Variants in GABRA2 observed in about 807,000 individuals in gnomAD.
GABRA2 encodes gamma-aminobutyric acid type A receptor subunit alpha2.
GABRA2 carries 16 observed loss-of-function variants against 48.7 expected under a neutral mutation model. The ratio of observed to expected loss-of-function variants is 0.33; its 90% CI spans 0.22 to 0.50. The LOEUF is 0.50. Among genes scored for constraint, GABRA2 ranks in the 20% least tolerant of loss-of-function variants. The pLI, the probability that GABRA2 is intolerant of heterozygous loss-of-function variation, is 0.98. For missense variants in GABRA2, 275 were observed against 535.6 expected (o/e 0.51, Z 4.80); for synonymous variants, 185 against 184.5 (o/e 1.00, Z -0.02).
chr4:46,347,059 A>G (rs2109883560), intron 3 of GABRA2, among the ~76,000 whole-genome samples: 1 of 152,094 alleles, frequency 6.6e-6, no homozygotes, highest in East Asian at 1.9e-4. Context: ...AAGATCAATG[A>G]GAACTATAAA....
chr4:46,389,868 A>C lies in GABRA2; in HGVS notation c.-144T>G. On this transcript the variant is annotated 5_prime_UTR_variant, in exon 1 of 10. Coordinates refer to ENST00000381620, the MANE Select transcript of GABRA2 (RefSeq NM_000807.4). Reference sequence around the variant, plus strand: ...GAGAGAGAGAGAGAGAGAGACCGAGACTGCAGCAGCCAAGAGAGCGTGGAG... The same window carrying C: ...GAGAGAGAGAGAGAGAGAGACCGAGCCTGCAGCAGCCAAGAGAGCGTGGAG... 1 of 973,248 alleles carries C rather than the reference A, an allele frequency of 1.0e-6. No homozygotes were observed. The highest frequency in any genetic ancestry group is 1.2e-6 in the Non-Finnish European group (1 of 825,980). The allele number at this position is 973,248 out of a possible 1,614,324, so 60.3% of individuals were successfully genotyped here.
chr4:46,337,080 T>C (rs879621311), intron 3 of GABRA2, among the ~76,000 whole-genome samples: 1 of 152,068 alleles, frequency 6.6e-6, no homozygotes, highest in Non-Finnish European at 1.5e-5. Flanking sequence ...TTAAAATAGA[T>C]GGTTGAGGAT....
intron 8 of GABRA2, among the ~76,000 whole-genome samples, chr4:46,277,554 C>T (rs1311651988): frequency 1.3e-5 from 2 of 152,152 alleles, no homozygotes; most frequent in Non-Finnish European, 2.9e-5. Context: ...TATCTATCTC[C>T]GTCTAAGGCT....
intron 3 of GABRA2, among the ~76,000 whole-genome samples, chr4:46,370,372 A>T (rs1434761904): frequency 6.6e-6 from 1 of 152,080 alleles, no homozygotes; most frequent in African/African-American, 2.4e-5. Context: ...AAGAAAAAAA[A>T]CTGATAAAGA....
chr4:46,322,356 G>C (rs1045144224), intron 4 of GABRA2, among the ~76,000 whole-genome samples: 6 of 151,730 alleles, frequency 4.0e-5, no homozygotes, highest in Non-Finnish European at 8.8e-5. Flanking sequence ...AAAGCCCTGG[G>C]GGTGAAGTAA....
At chr4:46,280,199 G>A (rs1434056822) in intron 8 of GABRA2, among the ~76,000 whole-genome samples, 1 of 152,126 alleles carries the variant, frequency 6.6e-6, no homozygotes, top group Non-Finnish European at 1.5e-5. Flanking sequence ...CAGGGGAGCA[G>A]AAGAGTCAGA....
intron 8 of GABRA2, among the ~76,000 whole-genome samples, chr4:46,292,142 C>T (rs1026066139): frequency 1.3e-5 from 2 of 152,008 alleles, no homozygotes; most frequent in African/African-American, 4.8e-5. Flanking sequence ...ATGTGGAGAA[C>T]CAAGAAACAT....
At chr4:46,252,506 A>G (rs968424488) in intron 9 of GABRA2, among the ~76,000 whole-genome samples, 18 of 148,812 alleles carry the variant, frequency 1.2e-4, no homozygotes, top group African/African-American at 3.9e-4. Flanking sequence ...AGGCTAAAAA[A>G]GTTTTCTGAC....
At chr4:46,349,127 G>A (rs1734688233) in intron 3 of GABRA2, among the ~76,000 whole-genome samples, 1 of 151,880 alleles carries the variant, frequency 6.6e-6, no homozygotes, top group Non-Finnish European at 1.5e-5. Context: ...GAGACATAAT[G>A]CTGTTTCACA....
chr4:46,311,864 C>T (rs1158851960), intron 5 of GABRA2, among the ~76,000 whole-genome samples: 5 of 152,076 alleles, frequency 3.3e-5, no homozygotes, highest in African/African-American at 7.2e-5. Context: ...TTTGGGATGC[C>T]GAGGTGGGTG....
At chr4:46,342,037 G>A (rs1465039155) in intron 3 of GABRA2, among the ~76,000 whole-genome samples, 2 of 151,974 alleles carry the variant, frequency 1.3e-5, no homozygotes, top group East Asian at 3.9e-4. Flanking sequence ...GAGTTTTGGG[G>A]AAGATCCAAC....
At chr4:46,309,175 A>C (rs185952593) in intron 6 of GABRA2, among the ~76,000 whole-genome samples, 8 of 152,318 alleles carry the variant, frequency 5.3e-5, no homozygotes, top group Admixed American at 4.6e-4. Context: ...TTGCAAGAAC[A>C]AACAAGATTG....
At chr4:46,359,085 A>C (rs1383826498) in intron 3 of GABRA2, among the ~76,000 whole-genome samples, 1 of 152,202 alleles carries the variant, frequency 6.6e-6, no homozygotes, top group Non-Finnish European at 1.5e-5. Flanking sequence ...AGTATAAGGT[A>C]CATAAGGTCA....
At chr4:46,328,329 C>G (rs1367814836) in intron 4 of GABRA2, among the ~76,000 whole-genome samples, 1 of 150,862 alleles carries the variant, frequency 6.6e-6, no homozygotes, top group African/African-American at 2.4e-5. Flanking sequence ...TTTGCATATT[C>G]TTTTGGTTCA....
intron 2 of GABRA2, among the ~76,000 whole-genome samples, chr4:46,386,427 T>A (rs1007083784): frequency 6.6e-6 from 1 of 152,306 alleles, no homozygotes; most frequent in Non-Finnish European, 1.5e-5. Context: ...TATTTGAGAT[T>A]CTTGCCCCTT....
At position 46,293,435 on chromosome 4, in the gene GABRA2, C is replaced by CAG. The variant is rs1292540928; in HGVS notation, c.856+10024_856+10025insCT. Among the ~76,000 whole-genome samples the CAG allele has an allele frequency of 1.6e-4, 25 of 152,318 alleles. No homozygotes were observed. The East Asian group carries it at 4.6e-3, about 28-fold the overall frequency. ...ATCAGACATTTCAGGGACTACTGGA[C>CAG]ACTGGCTCTGAGTTGACGTTGATTC... On this transcript the variant is annotated intron_variant, in intron 8 of 9. Coordinates refer to ENST00000381620, the MANE Select transcript of GABRA2 (RefSeq NM_000807.4).
intron 8 of GABRA2, among the ~76,000 whole-genome samples, chr4:46,267,540 G>T (rs1718500966): frequency 6.6e-6 from 1 of 151,554 alleles, no homozygotes; most frequent in Non-Finnish European, 1.5e-5. Flanking sequence ...ATTCTTTTTT[G>T]AAAATTGGAC....
chr4:46,289,371 A>G (rs1723153988), intron 8 of GABRA2, among the ~76,000 whole-genome samples: 1 of 152,206 alleles, frequency 6.6e-6, no homozygotes. Context: ...CGCAGCTATA[A>G]AAAAGAATGA....
rs573279239 is a variant in GABRA2 at position 46,388,848 on chromosome 4, C to CTG, written c.-10-134_-10-133dup. 7.5e-5 allele frequency: 108 copies of CTG among 1,438,762 alleles called. No individual in the cohort carries two copies. In the African/African-American group the frequency reaches 1.3e-3, roughly 17 times the overall value. 89.1% of individuals were successfully genotyped at this position (1,438,762 alleles called of 1,614,324 possible). On this transcript the variant is annotated intron_variant, in intron 1 of 9. Coordinates refer to ENST00000381620, the MANE Select transcript of GABRA2 (RefSeq NM_000807.4). ...AGCTATGGAGATTACTTCCTGGACTCTGTGTAGGACTTGATGATTGAGAGA... is the reference window on the plus strand; with the variant it reads ...AGCTATGGAGATTACTTCCTGGACTCTGTGTGTAGGACTTGATGATTGAGAGA...
Sources: allele counts gnomAD v4.1 joint callset (sites outside exome capture counted in the v4.1 genomes callset), GRCh38; gene constraint gnomAD v4.1.1; transcripts MANE v1.5; gene names NCBI Gene and HGNC (gene_info 2026-07-23, HGNC 2026-07-21).